CDC42: variants seen among roughly 807,000 people sequenced by gnomAD.
CDC42 encodes cell division cycle 42, also known as cell division control protein 42 homolog.
CDC42 carries 1 observed loss-of-function variant against 20.8 expected under a neutral mutation model. The ratio of observed to expected loss-of-function variants is 0.05; its 90% CI spans 0.02 to 0.23. The LOEUF is 0.23. Among genes scored for constraint, CDC42 ranks in the 10% least tolerant of loss-of-function variants. The probability of loss-of-function intolerance (pLI) is 1.00; values close to 1 mark genes in which losing one functional copy is unlikely to be tolerated. For synonymous variants in CDC42, 72 were observed against 84.8 expected, an observed-to-expected ratio of 0.85 and a Z score of 0.83; for missense variants, 49 against 227.9, an observed-to-expected ratio of 0.21 and a Z score of 5.05.
At chr1:22,083,487 C>A (rs970934556) in intron 3 of CDC42, among the ~76,000 whole-genome samples, 8 of 151,812 alleles carry the variant, frequency 5.3e-5, no homozygotes, top group South Asian at 2.1e-4. Flanking sequence ...CCTGTTAAGT[C>A]CCAGCTACTT....
intron 1 of CDC42, among the ~76,000 whole-genome samples, chr1:22,060,529 C>A (rs574669194): frequency 1.3e-5 from 2 of 152,014 alleles, no homozygotes; most frequent in Non-Finnish European, 2.9e-5. Flanking sequence ...AAAGCATAAA[C>A]AAGATTTCAG....
intron 1 of CDC42, among the ~76,000 whole-genome samples, chr1:22,070,002 G>C (rs1176796722): frequency 6.6e-6 from 1 of 152,080 alleles, no homozygotes; most frequent in Non-Finnish European, 1.5e-5. Flanking sequence ...TGCCTAGGTT[G>C]TTCTCAAACT....
chr1:22,070,609 G>A (rs916958906), intron 1 of CDC42, among the ~76,000 whole-genome samples: 2 of 151,778 alleles, frequency 1.3e-5, no homozygotes, highest in East Asian at 1.9e-4. Flanking sequence ...GACTACAGGC[G>A]TCCACCACCA....
At chr1:22,064,473 G>T (rs1232173490) in intron 1 of CDC42, among the ~76,000 whole-genome samples, 1 of 151,716 alleles carries the variant, frequency 6.6e-6, no homozygotes, top group Admixed American at 6.6e-5. Context: ...TGTATTTTTA[G>T]TCGAGACGGG....
chr1:22,060,187 C>CA (rs1445829164), intron 1 of CDC42, among the ~76,000 whole-genome samples: 1 of 151,884 alleles, frequency 6.6e-6, no homozygotes, highest in Admixed American at 6.6e-5. Context: ...ACTAAAAATA[C>CA]AAAAATTAGC....
intron 1 of CDC42, among the ~76,000 whole-genome samples, chr1:22,055,142 A>G (rs1229374005): frequency 6.7e-6 from 1 of 149,990 alleles, no homozygotes; most frequent in Non-Finnish European, 1.5e-5. Context: ...TTTAGTAGAG[A>G]CGGGGTTTCA....
At chr1:22,089,597 A>G (rs1281243421) in intron 5 of CDC42, among the ~76,000 whole-genome samples, 1 of 152,258 alleles carries the variant, frequency 6.6e-6, no homozygotes, top group African/African-American at 2.4e-5. Context: ...AGAAACACAT[A>G]GCATGCCTGT....
At chr1:22,081,139 A>G (rs1645603026) in intron 2 of CDC42, among the ~76,000 whole-genome samples, 1 of 152,144 alleles carries the variant, frequency 6.6e-6, no homozygotes. Flanking sequence ...ATTGCACTCC[A>G]GCCTGGATGA....
rs141237112 is a variant in CDC42 at position 22,097,493 on chromosome 1, C to T, written c.*5976C>T. 2.4e-4 allele frequency among the ~76,000 whole-genome samples: 37 copies of T among 152,328 alleles called. No individual in the cohort carries two copies. The highest frequency in any genetic ancestry group is 8.4e-4 in the African/African-American group (35 of 41,564). ...CTGACCTCAGGTGATCCGCCCGTTG[C>T]GGCCTCCCTAAGTGCTGGGATTATA... On this transcript the variant is annotated 3_prime_UTR_variant, in exon 6 of 6. Transcript: ENST00000656825.
intron 2 of CDC42, among the ~76,000 whole-genome samples, chr1:22,079,097 G>A (rs2501311): frequency 0.95 from 142,266 of 150,376 alleles, 67,395 homozygotes; most frequent in East Asian, 1. Context: ...CACCAACAGA[G>A]TCCTTTGGGG....
rs1645575592 is a variant in CDC42 at position 22,078,591 on chromosome 1, T to C, written c.105+8T>C. On this transcript the variant is annotated splice_region_variant and intron_variant, in intron 2 of 5. Transcript: ENST00000656825. ...TCGGAATATGTACCGACTGTAAGTA[T>C]AAAGGCTTCCTTCTGTTAGTAAAAT... 3 of 1,593,928 alleles carry C rather than the reference T, an allele frequency of 1.9e-6. No homozygotes were observed. The East Asian group carries it at 6.7e-5, about 36-fold the overall frequency.
At chr1:22,070,261 G>A (rs1645470695) in intron 1 of CDC42, among the ~76,000 whole-genome samples, 1 of 152,084 alleles carries the variant, frequency 6.6e-6, no homozygotes, top group African/African-American at 2.4e-5. Flanking sequence ...TCTGCTAGCT[G>A]TAATAAATAA....
At chr1:22,057,187 A>G (rs1569950978) in intron 1 of CDC42, among the ~76,000 whole-genome samples, 1 of 152,312 alleles carries the variant, frequency 6.6e-6, no homozygotes, top group Non-Finnish European at 1.5e-5. Flanking sequence ...ACAGGGCTGC[A>G]GTGTTAGGAA....
chr1:22,066,069 C>T (rs907946983), intron 1 of CDC42, among the ~76,000 whole-genome samples: 1 of 152,076 alleles, frequency 6.6e-6, no homozygotes, highest in Non-Finnish European at 1.5e-5. Flanking sequence ...TTTCATATTA[C>T]TACTTTAGTC....
Position 22,092,605 on chromosome 1 carries a change from T to TG in CDC42, c.*1093dup, listed in dbSNP as rs1432957824. The TG allele has an allele frequency of 2.0e-5, 1 of 51,114 alleles. No homozygotes were observed. Among genetic ancestry groups the TG allele is most frequent in the Non-Finnish European group, 4.0e-5 (1 of 25,004 alleles). 3.2% of individuals were successfully genotyped at this position (51,114 alleles called of 1,614,324 possible). A position where few individuals can be genotyped will look rare whatever the true frequency, so the allele number is the denominator to read the frequency against. ...CTTCATTAAGAAGCTGGGGGTAGGG[T>TG]GGGGGTGGGGAGAACACTTAACAAC... is the stretch of plus-strand genomic sequence containing the variant. On this transcript the variant is annotated 3_prime_UTR_variant, in exon 6 of 6. Coordinates refer to ENST00000656825, the MANE Select transcript of CDC42 (RefSeq NM_001791.4).
At chr1:22,076,229 G>A (rs1645547937) in intron 1 of CDC42, among the ~76,000 whole-genome samples, 1 of 152,034 alleles carries the variant, frequency 6.6e-6, no homozygotes, top group Non-Finnish European at 1.5e-5. Flanking sequence ...AGGGGCCCAG[G>A]CAGTTGGATT....
At chr1:22,074,522 C>A (rs980145591) in intron 1 of CDC42, among the ~76,000 whole-genome samples, 4 of 152,234 alleles carry the variant, frequency 2.6e-5, no homozygotes, top group Admixed American at 1.3e-4. Flanking sequence ...CAAAGTCTCT[C>A]CCCTGATTGC....
chr1:22,068,220 C>G (rs17837966), intron 1 of CDC42: 2 of 152,518 alleles, frequency 1.3e-5, no homozygotes, highest in Non-Finnish European at 2.9e-5. Flanking sequence ...AATTATACAT[C>G]TCTTTACAAA....
intron 1 of CDC42, among the ~76,000 whole-genome samples, chr1:22,064,542 C>T (rs187779855): frequency 1.7e-4 from 26 of 151,796 alleles, no homozygotes; most frequent in African/African-American, 4.8e-4. Flanking sequence ...CTGCCTGCCT[C>T]GGCCTCCCAA....
Sources: gnomAD v4.1 joint callset for allele counts (sites outside exome capture counted in the v4.1 genomes callset) on GRCh38, gnomAD v4.1.1 for gene constraint, MANE v1.5 for transcripts, NCBI Gene and HGNC (gene_info 2026-07-23, HGNC 2026-07-21) for gene names.